Variants in MGAT4D observed in about 807,000 individuals in gnomAD.
The protein encoded by MGAT4D is alpha-1,3-mannosyl-glycoprotein 4-beta-N-acetylglucosaminyltransferase-like protein MGAT4D.
Under a neutral mutation model 15.9 loss-of-function variants are expected in MGAT4D, and 34 were observed. The observed-to-expected ratio is 2.14, with a 90% CI of 1.62 to 2.84. The LOEUF is 2.84. Ranked by LOEUF, MGAT4D falls within the 30% of genes most tolerant of loss-of-function variation. MGAT4D has a pLI of 0.00. For synonymous variants in MGAT4D, 112 were observed against 48.2 expected, an observed-to-expected ratio of 2.33 and a Z score of -5.49; for missense variants, 327 against 140.2, an observed-to-expected ratio of 2.33 and a Z score of -6.73.
chr4:140,492,780 G>GT lies in MGAT4D; in HGVS notation c.94+5348dup, dbSNP rs1733588980. 4.6e-5 allele frequency among the ~76,000 whole-genome samples: 7 copies of GT among 152,140 alleles called. No homozygotes were observed. The South Asian group carries it at 1.4e-3, about 31-fold the overall frequency. ...GTTTCAAGTTGACTAGGAGATTAAA[G>GT]TTTTAAAAATAATGAAACAGGCTCT... On this transcript the variant is annotated intron_variant, in intron 1 of 10. Coordinates refer to ENST00000511113, the MANE Select transcript of MGAT4D (RefSeq NM_001277353.2).
chr4:140,456,280 G>C (rs925713853), intron 9 of MGAT4D, among the ~76,000 whole-genome samples: 2 of 152,024 alleles, frequency 1.3e-5, no homozygotes, highest in African/African-American at 4.8e-5. Flanking sequence ...AATCTACCCT[G>C]ATGAACTCTT....
At chr4:140,472,164 C>T (rs1308617515) in intron 4 of MGAT4D, among the ~76,000 whole-genome samples, 1 of 152,060 alleles carries the variant, frequency 6.6e-6, no homozygotes, top group South Asian at 2.1e-4. Flanking sequence ...CTGTGAATGG[C>T]TTATTTCAAA....
At chr4:140,467,884 A>G (rs1411398733) in intron 5 of MGAT4D, among the ~76,000 whole-genome samples, 1 of 152,024 alleles carries the variant, frequency 6.6e-6, no homozygotes, top group African/African-American at 2.4e-5. Context: ...TAAAAATTAT[A>G]TAGTTTCAAT....
chr4:140,460,458 G>A (rs547599936), intron 7 of MGAT4D, among the ~76,000 whole-genome samples: 1 of 152,284 alleles, frequency 6.6e-6, no homozygotes, highest in South Asian at 2.1e-4. Context: ...CATTTATGAG[G>A]CTCTGCCTGC....
At chr4:140,493,122 A>T (rs1399059509) in intron 1 of MGAT4D, among the ~76,000 whole-genome samples, 1 of 152,138 alleles carries the variant, frequency 6.6e-6, no homozygotes, top group Non-Finnish European at 1.5e-5. Flanking sequence ...GACATGTAAT[A>T]CATAGGTAAG....
At chr4:140,495,596 A>T (rs1733784704) in intron 1 of MGAT4D, among the ~76,000 whole-genome samples, 1 of 152,226 alleles carries the variant, frequency 6.6e-6, no homozygotes. Context: ...CAGAACAGGT[A>T]AAAACAGGAA....
intron 1 of MGAT4D, among the ~76,000 whole-genome samples, chr4:140,489,763 T>C (rs1433404578): frequency 6.6e-6 from 1 of 152,244 alleles, no homozygotes; most frequent in Non-Finnish European, 1.5e-5. Context: ...TCTTCTATTG[T>C]TGGTAACAAT....
intron 2 of MGAT4D, among the ~76,000 whole-genome samples, chr4:140,480,166 A>T (rs950392511): frequency 5.9e-5 from 9 of 152,202 alleles, no homozygotes; most frequent in African/African-American, 2.2e-4. Context: ...GGAACAGATC[A>T]TAGAATACAG....
chr4:140,474,637 G>A (rs1390883103), intron 4 of MGAT4D, among the ~76,000 whole-genome samples, 176 bp downstream of exon 4: 2 of 152,090 alleles, frequency 1.3e-5, no homozygotes, highest in Non-Finnish European at 2.9e-5. Flanking sequence ...TTCCTTCTCA[G>A]CAGTATCGAA....
intron 7 of MGAT4D, among the ~76,000 whole-genome samples, chr4:140,460,121 C>G (rs1731076667): frequency 1.3e-5 from 2 of 152,140 alleles, no homozygotes; most frequent in Non-Finnish European, 1.5e-5. Context: ...TGTTTCTTTC[C>G]TAAATACTAA....
At chr4:140,493,219 C>T (rs2126878929) in intron 1 of MGAT4D, among the ~76,000 whole-genome samples, 1 of 152,016 alleles carries the variant, frequency 6.6e-6, no homozygotes, top group East Asian at 1.9e-4. Flanking sequence ...CCTCTGATTC[C>T]TCTCCCACCC....
intron 1 of MGAT4D, among the ~76,000 whole-genome samples, chr4:140,492,501 G>A (rs572490963): frequency 6.6e-6 from 1 of 152,072 alleles, no homozygotes; most frequent in Non-Finnish European, 1.5e-5. Context: ...GGTGGCACGC[G>A]CCTGTAGTCC....
intron 7 of MGAT4D, among the ~76,000 whole-genome samples, chr4:140,460,910 G>C (rs1306136640): frequency 2.6e-5 from 4 of 152,192 alleles, no homozygotes; most frequent in Non-Finnish European, 5.9e-5. Flanking sequence ...TGTGATGAAA[G>C]GTGCCACGTT....
chr4:140,470,058 T>C (rs1578677225), intron 5 of MGAT4D, among the ~76,000 whole-genome samples: 1 of 152,346 alleles, frequency 6.6e-6, no homozygotes, highest in Non-Finnish European at 1.5e-5. Context: ...GTGGCGGAGG[T>C]TCCAGCTGCT....
intron 10 of MGAT4D, among the ~76,000 whole-genome samples, chr4:140,448,470 T>A (rs992707582): frequency 6.6e-6 from 1 of 152,200 alleles, no homozygotes; most frequent in Admixed American, 6.5e-5. Flanking sequence ...TGAGATTCTT[T>A]CCTCAGCTTT....
intron 10 of MGAT4D, among the ~76,000 whole-genome samples, chr4:140,450,310 C>T (rs1455839454): frequency 6.6e-6 from 1 of 152,068 alleles, no homozygotes; most frequent in Non-Finnish European, 1.5e-5. Flanking sequence ...GTTAAAATAT[C>T]ATATCTGGCC....
chr4:140,495,961 C>T (rs1207414587), intron 1 of MGAT4D, among the ~76,000 whole-genome samples: 1 of 152,150 alleles, frequency 6.6e-6, no homozygotes, highest in Non-Finnish European at 1.5e-5. Flanking sequence ...TCTCAAACTC[C>T]TGACCTTGTG....
At chr4:140,489,676 C>T (rs918908791) in intron 1 of MGAT4D, among the ~76,000 whole-genome samples, 4 of 152,106 alleles carry the variant, frequency 2.6e-5, no homozygotes, top group Admixed American at 6.5e-5. Flanking sequence ...TTTATATTGA[C>T]GAATCAAGCT....
rs1388495208 is a variant in MGAT4D at position 140,451,976 on chromosome 4, G to T, written c.1009-459C>A. ...GAACCAATTTATAGTCAATGAAAAA[G>T]AATCTGGATAATTTTCTCAAAAAAA... On this transcript the variant is annotated intron_variant, in intron 9 of 10. Coordinates refer to ENST00000511113, the MANE Select transcript of MGAT4D (RefSeq NM_001277353.2). 3.2e-5 allele frequency among the ~76,000 whole-genome samples: 4 copies of T among 123,794 alleles called. No homozygotes were observed. In the East Asian group the frequency reaches 9.5e-4, roughly 29 times the overall value. The allele number at this position is 123,794 out of a possible 152,430, so 81.2% of individuals were successfully genotyped here. A position where few individuals can be genotyped will look rare whatever the true frequency, so the allele number is the denominator to read the frequency against.
Sources: allele counts gnomAD v4.1 joint callset (sites outside exome capture counted in the v4.1 genomes callset), GRCh38; gene constraint gnomAD v4.1.1; transcripts MANE v1.5; gene names NCBI Gene and HGNC (gene_info 2026-07-23, HGNC 2026-07-21).